Variants in TRIM46 observed in about 807,000 individuals in gnomAD.
TRIM46 encodes the protein tripartite motif containing 46.
A neutral mutation model predicts 69.7 loss-of-function variants in TRIM46; 17 were observed. That is an observed-to-expected ratio of 0.24 (90% CI 0.17 to 0.37). The LOEUF (loss-of-function observed/expected upper bound fraction) is 0.37, where lower values mean the gene tolerates loss of function less well. Ranked by LOEUF, TRIM46 falls within the 10% of genes least tolerant of loss-of-function variation. The pLI is 1.00. For missense variants in TRIM46, 675 were observed against 1,025.1 expected (o/e 0.66, Z 4.66); for synonymous variants, 391 against 429.0 (o/e 0.91, Z 1.09).
In TRIM46 at chr1:155,181,560, A is replaced by C. The variant is rs1666176193; in HGVS notation, c.1589-292A>C. On this transcript the variant is annotated intron_variant, in intron 8 of 9. Transcript: ENST00000334634. This position sits in a 1 kb window ranked among gnomAD's most constrained non-coding sequence, Gnocchi z 4.3. ...GGAACTGTCCATGGGGCTGGCCACA[A>C]GTAAGGGGTTCGAGGGAGCCCCATG... 6.6e-6 allele frequency among the ~76,000 whole-genome samples: 1 copy of C among 152,192 alleles called. No individual in the cohort carries two copies. Among genetic ancestry groups the C allele is most frequent in the Middle Eastern group, 3.2e-3 (1 of 314 alleles).
intron 8 of TRIM46, chr1:155,180,727 A>C: frequency 6.3e-6 from 1 of 158,450 alleles, no homozygotes; most frequent in Non-Finnish European, 1.4e-5. Context: ...CCTGACCAAC[A>C]TGGAGAAACC....
intron 8 of TRIM46, chr1:155,180,295 G>A (rs996586099): frequency 3.3e-5 from 11 of 334,722 alleles, no homozygotes; most frequent in South Asian, 1.9e-4. Context: ...AGCGAGACCC[G>A]ATCTCTAAAA....
chr1:155,174,455 C>T (rs1200628394), intron 1 of TRIM46: 7 of 1,387,670 alleles, frequency 5.0e-6, no homozygotes, highest in Non-Finnish European at 5.6e-6. Context: ...TCCCCAAGAC[C>T]CCACCCCACG....
In TRIM46 at chr1:155,184,415, G is replaced by GGCCCCC; in HGVS notation, c.*226_*231dup. The GGCCCCC allele has an allele frequency of 1.8e-6, 1 of 565,634 alleles. No homozygotes were observed. The highest frequency in any genetic ancestry group is 3.1e-5 in the East Asian group (1 of 32,634). The allele number at this position is 565,634 out of a possible 1,614,324, so 35.0% of individuals were successfully genotyped here. On this transcript the variant is annotated 3_prime_UTR_variant, in exon 10 of 10. Transcript: ENST00000334634. The surrounding 1 kb of genome is among the most constrained non-coding windows in gnomAD (Gnocchi z 5.6). ...CGTTCTCTCCATTGCTTGTTAGCCA[G>GGCCCCC]GCCCCCACCCCCACTGAGTCTGCCC...
Position 155,175,481 on chromosome 1 carries a change from C to T in TRIM46, c.159C>T (p.Cys53=). Residue 53 remains cysteine (C), a synonymous_variant, in exon 2 of 10, where the codon TGC becomes TGT. Transcript: ENST00000334634. The surrounding 1 kb of genome is among the most constrained non-coding windows in gnomAD (Gnocchi z 4.2). ...TGCTGCCCTGTACCCACAACGTGTG[C>T]CAGGCCTGTGCCCGAGAGGTCTTGG... ...PLVLPCTHNV[C]QACAREVLGQ... 6.2e-7 allele frequency: 1 copy of T among 1,614,172 alleles called. No individual in the cohort carries two copies. The highest frequency in any genetic ancestry group is 8.5e-7 in the Non-Finnish European group (1 of 1,180,000).
Position 155,173,908 on chromosome 1 carries a change from C to T in TRIM46, c.-59C>T. ...CCCCACTGGGCTCCTGCATTAAGCC[C>T]GGGGTTCGCAGCCGCAGCCGGGATC... On this transcript the variant is annotated 5_prime_UTR_variant, in exon 1 of 10. Transcript: ENST00000334634. 5 of 1,532,822 alleles carry T rather than the reference C, an allele frequency of 3.3e-6. No individual in the cohort carries two copies. The highest frequency in any genetic ancestry group is 3.5e-6 in the Non-Finnish European group (4 of 1,132,358). 95.0% of individuals were successfully genotyped at this position (1,532,822 alleles called of 1,614,324 possible). A position where few individuals can be genotyped will look rare whatever the true frequency, so the allele number is the denominator to read the frequency against.
At position 155,181,194 on chromosome 1, in the gene TRIM46, TG is replaced by T; in HGVS notation, c.1589-657del. Among the ~76,000 whole-genome samples the T allele has an allele frequency of 6.6e-6, 1 of 152,174 alleles. No individual in the cohort carries two copies. The highest frequency in any genetic ancestry group is 2.1e-4 in the South Asian group (1 of 4,820). ...GGCAGGGGTTGCAGTGAGCCAAGAT[TG>T]CGCCACTGCACTCCAGCCTGGGGAA... is the stretch of plus-strand genomic sequence containing the variant. On this transcript the variant is annotated intron_variant, in intron 8 of 9. Coordinates refer to ENST00000334634, the MANE Select transcript of TRIM46 (RefSeq NM_025058.5). This position sits in a 1 kb window ranked among gnomAD's most constrained non-coding sequence, Gnocchi z 4.3.
chr1:155,178,403 C>A (rs984002287), intron 6 of TRIM46, 89 bp from the exon 7 acceptor site: 90 of 1,594,564 alleles, frequency 5.6e-5, no homozygotes, highest in Non-Finnish European at 7.3e-5. Flanking sequence ...AAAGCAGTTC[C>A]CAAGGCTCTA....
intron 6 of TRIM46, 23 bp downstream of exon 6, chr1:155,178,278 AG>A: frequency 6.3e-7 from 1 of 1,577,476 alleles, no homozygotes; most frequent in Non-Finnish European, 8.6e-7. Flanking sequence ...ATGGGCTCCT[AG>A]GGGGGCAGGG....
chr1:155,174,565 C>T lies in TRIM46; in HGVS notation c.63+536C>T, dbSNP rs1665462707. ...CAACCGTGTTCCCCCCCACCACTTCCTCCCCCCCTCCTTGTTCCTCCCTCC... is the reference window on the plus strand; with the variant it reads ...CAACCGTGTTCCCCCCCACCACTTCTTCCCCCCCTCCTTGTTCCTCCCTCC... On this transcript the variant is annotated intron_variant, in intron 1 of 9. Coordinates refer to ENST00000334634, the MANE Select transcript of TRIM46 (RefSeq NM_025058.5). 1.9e-5 allele frequency: 28 copies of T among 1,499,842 alleles called. 2 individuals carry two copies. The South Asian group carries it at 3.6e-4, about 19-fold the overall frequency. The allele number at this position is 1,499,842 out of a possible 1,614,324, so 92.9% of individuals were successfully genotyped here. A position where few individuals can be genotyped will look rare whatever the true frequency, so the allele number is the denominator to read the frequency against.
In TRIM46 at chr1:155,178,046, G is replaced by A. The variant is rs1665826895; in HGVS notation, c.954G>A (p.Arg318=). 6.2e-7 allele frequency: 1 copy of A among 1,613,774 alleles called. No individual in the cohort carries two copies. Among genetic ancestry groups the A allele is most frequent in the East Asian group, 2.2e-5 (1 of 44,880 alleles). Residue 318 remains arginine (R), a synonymous_variant, in exon 6 of 10, where the codon CGG becomes CGA. Coordinates refer to ENST00000334634, the MANE Select transcript of TRIM46 (RefSeq NM_025058.5). ...QAKEEVSQLV[R]GLGAVLEEKR... ...AGGAGGAGGTGTCGCAGCTGGTGCG[G>A]GGGCTGGGGGCTGTGCTGGAGGAGA...
At position 155,184,667 on chromosome 1, in the gene TRIM46, AG is replaced by A. The variant is rs929282382; in HGVS notation, c.*481del. 7 of 160,604 alleles carry A rather than the reference AG, an allele frequency of 4.4e-5. No homozygotes were observed. Among genetic ancestry groups the A allele is most frequent in the African/African-American group, 1.4e-4 (6 of 41,524 alleles). The allele number at this position is 160,604 out of a possible 1,614,324, so 9.9% of individuals were successfully genotyped here. ...TGTCCAGGCATTCCTGGTGAGGGGA[AG>A]GGGACCCTGTCATCCTGCTTTATTT... On this transcript the variant is annotated 3_prime_UTR_variant, in exon 10 of 10. Coordinates refer to ENST00000334634, the MANE Select transcript of TRIM46 (RefSeq NM_025058.5). The surrounding 1 kb of genome is among the most constrained non-coding windows in gnomAD (Gnocchi z 5.6).
In TRIM46 at chr1:155,179,855, G is replaced by A; in HGVS notation, c.1509G>A (p.Val503=). The stretch of plus-strand genomic sequence containing the variant: ...ACCCCGACACGGGCTCTGTGTATGT[G>A]CTGCGTGTCCGCGGCTGCAACAAGG... ...LENPDTGSVY[V]LRVRGCNKAG... is the part of the protein sequence containing the mutation. Residue 503 remains valine (V), a synonymous_variant, in exon 8 of 10, where the codon GTG becomes GTA. Coordinates refer to ENST00000334634, the MANE Select transcript of TRIM46 (RefSeq NM_025058.5). 1 of 1,611,730 alleles carries A rather than the reference G, an allele frequency of 6.2e-7. No individual in the cohort carries two copies. The highest frequency in any genetic ancestry group is 8.5e-7 in the Non-Finnish European group (1 of 1,178,328).
In TRIM46 at chr1:155,176,132, C is replaced by T. The variant is rs374527581; in HGVS notation, c.570C>T (p.Arg190=). The T allele has an allele frequency of 2.1e-5, 34 of 1,613,936 alleles. No homozygotes were observed. In the African/African-American group the frequency reaches 2.1e-4, roughly 10 times the overall value. ...CCACCAAGGGCTGCACAGAGTGCCGCGCCACCTTCTGCAATGAGTGCTTCA... is the reference window on the plus strand; with the variant it reads ...CCACCAAGGGCTGCACAGAGTGCCGTGCCACCTTCTGCAATGAGTGCTTCA... ...LEATKGCTEC[R]ATFCNECFKL... The change falls in exon 3 of 10, where the codon CGC becomes CGT. Residue 190 remains arginine (R), a synonymous_variant. Transcript: ENST00000334634.
Position 155,184,153 on chromosome 1 carries a change from G to A in TRIM46, c.2243G>A (p.Arg748Lys). Residue 748 changes from arginine (R) to lysine (K), a missense_variant, in exon 10 of 10, where the codon AGG (arginine) becomes AAG (lysine). Arg to Lys is a conservative substitution (Grantham distance 26). Coordinates refer to ENST00000334634, the MANE Select transcript of TRIM46 (RefSeq NM_025058.5). The surrounding 1 kb of genome is among the most constrained non-coding windows in gnomAD (Gnocchi z 5.6). ...LQEPVGTKPE[R>K]KVTIGGFAKL... ...GAGCCAGTGGGCACTAAGCCTGAGA[G>A]GAAAGTCACCATTGGGGGCTTCGCC... The A allele has an allele frequency of 6.2e-7, 1 of 1,613,340 alleles. No individual in the cohort carries two copies. The highest frequency in any genetic ancestry group is 8.5e-7 in the Non-Finnish European group (1 of 1,179,820).
rs1454216667 is a variant in TRIM46 at position 155,175,868 on chromosome 1, C to T, written c.326-20C>T. On this transcript the variant is annotated intron_variant, in intron 2 of 9. Transcript: ENST00000334634. This position sits in a 1 kb window ranked among gnomAD's most constrained non-coding sequence, Gnocchi z 4.2. Reference sequence around the variant, plus strand: ...CCAGCTGTAACTCTCATGTCCTCTACCTCCCTGGTTCACCCACAGGCTTTG... The same window carrying T: ...CCAGCTGTAACTCTCATGTCCTCTATCTCCCTGGTTCACCCACAGGCTTTG... The T allele has an allele frequency of 2.1e-5, 33 of 1,583,362 alleles. No individual in the cohort carries two copies. The highest frequency in any genetic ancestry group is 2.8e-5 in the Non-Finnish European group (33 of 1,164,864).
intron 9 of TRIM46, among the ~76,000 whole-genome samples, chr1:155,183,134 T>A (rs901685267): frequency 1.3e-5 from 2 of 151,834 alleles, no homozygotes; most frequent in Non-Finnish European, 2.9e-5. Context: ...ATGGTCTCAA[T>A]CTCCTGACCT....
intron 7 of TRIM46, chr1:155,178,876 T>G (rs1665912926): frequency 1.5e-6 from 2 of 1,373,214 alleles, no homozygotes; most frequent in Admixed American, 2.2e-5. Flanking sequence ...CCGGGGGCCC[T>G]GCCCGCCGCC....
In TRIM46 at chr1:155,175,184, A is replaced by C; in HGVS notation, c.64-202A>C. ...CCAACCGTCCCTCCTCTGGGCCTTT[A>C]GCTCTGCAGCGGGGAAAGAGAAGCA... On this transcript the variant is annotated intron_variant, in intron 1 of 9. Coordinates refer to ENST00000334634, the MANE Select transcript of TRIM46 (RefSeq NM_025058.5). This position sits in a 1 kb window ranked among gnomAD's most constrained non-coding sequence, Gnocchi z 4.2. The C allele has an allele frequency of 7.0e-7, 1 of 1,436,648 alleles. No individual in the cohort carries two copies. Among genetic ancestry groups the C allele is most frequent in the Non-Finnish European group, 9.1e-7 (1 of 1,104,738 alleles). The allele number at this position is 1,436,648 out of a possible 1,614,324, so 89.0% of individuals were successfully genotyped here. A position where few individuals can be genotyped will look rare whatever the true frequency, so the allele number is the denominator to read the frequency against.
Sources: gnomAD v4.1 joint callset for allele counts (sites outside exome capture counted in the v4.1 genomes callset) on GRCh38, gnomAD v4.1.1 for gene constraint, Gnocchi (gnomAD v3.1) non-coding constraint, MANE v1.5 for transcripts, NCBI Gene and HGNC (gene_info 2026-07-23, HGNC 2026-07-21) for gene names.